The following ZNF595 variants were observed in gnomAD, a reference collection of about 807,000 sequenced individuals.
ZNF595 encodes the protein zinc finger protein 595.
In ZNF595, 9 loss-of-function variants were observed where a neutral mutation model predicts 19.4. That is an observed-to-expected ratio of 0.46 (90% confidence interval 0.28 to 0.81). The LOEUF (loss-of-function observed/expected upper bound fraction) is 0.81, where lower values mean the gene tolerates loss of function less well. Ranked by LOEUF, ZNF595 falls within the 30% of genes least tolerant of loss-of-function variation. The pLI is 0.11. For synonymous variants in ZNF595, 255 were observed against 255.9 expected, an observed-to-expected ratio of 1.00 and a Z score of 0.03; for missense variants, 729 against 736.0, an observed-to-expected ratio of 0.99 and a Z score of 0.11.
chr4:77,249 C>T (rs1263953421), intron 3 of ZNF595, among the ~76,000 whole-genome samples: 7 of 150,412 alleles, frequency 4.7e-5, no homozygotes, highest in African/African-American at 1.2e-4. Flanking sequence ...TTATATATTG[C>T]GTTCTTCAGC....
intron 3 of ZNF595, among the ~76,000 whole-genome samples, chr4:83,871 C>T (rs1051691094): frequency 2.7e-5 from 4 of 147,694 alleles, no homozygotes; most frequent in Non-Finnish European, 6.0e-5. Flanking sequence ...TAGATTTTTA[C>T]TTCTTATTTT....
At chr4:74,752 T>C (rs1285537756) in intron 3 of ZNF595, among the ~76,000 whole-genome samples, 5 of 152,204 alleles carry the variant, frequency 3.3e-5, no homozygotes, top group South Asian at 2.1e-4. Flanking sequence ...TTGCATTCTT[T>C]TGAGTTTCTG....
Position 86,082 on chromosome 4 carries a change from T to G in ZNF595, c.578T>G (p.Ile193Ser). 6.2e-7 allele frequency: 1 copy of G among 1,613,390 alleles called. No individual in the cohort carries two copies. Among genetic ancestry groups the G allele is most frequent in the Admixed American group, 1.7e-5 (1 of 59,874 alleles). ...YMSHLTQHTG[I>S]HAGEKPYKCE... ...TCACACCTAACTCAACATACAGGAA[T>G]TCATGCTGGAGAGAAACCCTACAAA... The change falls in exon 4 of 4, where the codon ATT (isoleucine) becomes AGT (serine). Residue 193 changes from isoleucine (I) to serine (S), a missense_variant. Around this residue, in one of 2 missense-constraint regions of ZNF595, gnomAD observed 729 missense variants for 675.3 expected, o/e 1.08. Transcript: ENST00000610261.
In ZNF595 at chr4:87,079, A is replaced by G. The variant is rs782785781; in HGVS notation, c.1575A>G (p.Ile525Met). The stretch of plus-strand genomic sequence containing the variant: ...TTAACCAATCCTCAGGCCTTATTAT[A>G]CACAGGAGCATTCATTCTGAACAAA... ...KAFNQSSGLI[I>M]HRSIHSEQKL... The change falls in exon 4 of 4, where the codon ATA becomes ATG. Residue 525 changes from isoleucine (I) to methionine (M), a missense_variant. By Grantham distance (10) the Ile-to-Met change is conservative (BLOSUM62 1). Around this residue, in one of 2 missense-constraint regions of ZNF595, gnomAD observed 729 missense variants for 675.3 expected, o/e 1.08. Transcript: ENST00000610261. 5.6e-6 allele frequency: 9 copies of G among 1,613,920 alleles called. No individual in the cohort carries two copies. The highest frequency in any genetic ancestry group is 5.0e-5 in the Admixed American group (3 of 60,000).
At chr4:72,155 T>C (rs1293843347) in intron 3 of ZNF595, among the ~76,000 whole-genome samples, 2 of 152,184 alleles carry the variant, frequency 1.3e-5, no homozygotes, top group East Asian at 3.8e-4. Context: ...TGCATTCTAT[T>C]TGTAGAGCTT....
At chr4:61,040 G>A (rs1445615446) in intron 3 of ZNF595, among the ~76,000 whole-genome samples, 1 of 152,180 alleles carries the variant, frequency 6.6e-6, no homozygotes, top group African/African-American at 2.4e-5. Context: ...AAATAGGTTT[G>A]TGAATAATTT....
chr4:82,396 TTTTTG>T (rs1713953771), intron 3 of ZNF595, among the ~76,000 whole-genome samples: 1 of 137,288 alleles, frequency 7.3e-6, no homozygotes, highest in African/African-American at 2.9e-5. Flanking sequence ...TTTTTTTTTT[TTTTTG>T]AGATGGAGTT....
chr4:85,684 A>G (rs1553800945), intron 3 of ZNF595, 47 bp from the exon 4 acceptor site: 1 of 1,508,880 alleles, frequency 6.6e-7, no homozygotes, highest in Non-Finnish European at 8.9e-7. Flanking sequence ...AAGTATATTC[A>G]TATGAATCTA....
intron 3 of ZNF595, among the ~76,000 whole-genome samples, chr4:83,039 C>T (rs1713980941): frequency 1.3e-5 from 2 of 151,888 alleles, no homozygotes; most frequent in South Asian, 2.1e-4. Context: ...ATATTTGGAA[C>T]CCTAATGTAA....
intron 1 of ZNF595, among the ~76,000 whole-genome samples, chr4:54,941 G>C (rs1276715594): frequency 6.6e-6 from 1 of 152,298 alleles, no homozygotes; most frequent in East Asian, 1.9e-4. Context: ...GAGTGCAGTG[G>C]CGTGATCTCG....
intron 3 of ZNF595, among the ~76,000 whole-genome samples, chr4:82,639 C>T (rs1293902319): frequency 1.3e-5 from 2 of 151,898 alleles, no homozygotes; most frequent in Non-Finnish European, 2.9e-5. Flanking sequence ...TTGCCTTGGC[C>T]TCCCAAAGTG....
intron 1 of ZNF595, among the ~76,000 whole-genome samples, chr4:57,934 G>T (rs1581315326): frequency 6.6e-6 from 1 of 152,296 alleles, no homozygotes; most frequent in Admixed American, 6.5e-5. Flanking sequence ...CACAAACTCT[G>T]GGAATCAAAT....
chr4:79,961 G>C (rs192455038), intron 3 of ZNF595, among the ~76,000 whole-genome samples: 3 of 152,160 alleles, frequency 2.0e-5, no homozygotes, highest in Admixed American at 1.3e-4. Context: ...TTTGCTGCTA[G>C]ACATCTTTAT....
At chr4:80,065 C>T (rs1025625349) in intron 3 of ZNF595, among the ~76,000 whole-genome samples, 14 of 152,242 alleles carry the variant, frequency 9.2e-5, no homozygotes, top group African/African-American at 3.4e-4. Flanking sequence ...TCTTGTTGCC[C>T]AGGCTGGAGT....
At chr4:55,054 T>C (rs1581309795) in intron 1 of ZNF595, among the ~76,000 whole-genome samples, 1 of 151,436 alleles carries the variant, frequency 6.6e-6, no homozygotes. Context: ...GCTAATTTTT[T>C]TTTTTTTGTA....
At chr4:78,589 C>T (rs1713771104) in intron 3 of ZNF595, among the ~76,000 whole-genome samples, 2 of 152,056 alleles carry the variant, frequency 1.3e-5, no homozygotes, top group East Asian at 1.9e-4. Context: ...GCCACCTATT[C>T]GATTATATGT....
intron 3 of ZNF595, among the ~76,000 whole-genome samples, chr4:68,931 T>C (rs1193262660): frequency 1.3e-5 from 2 of 152,198 alleles, no homozygotes; most frequent in African/African-American, 4.8e-5. Context: ...CTGATAACAA[T>C]CCTTCTGCTT....
At chr4:73,238 A>G (rs1409068727) in intron 3 of ZNF595, among the ~76,000 whole-genome samples, 1 of 151,352 alleles carries the variant, frequency 6.6e-6, no homozygotes, top group Non-Finnish European at 1.5e-5. Context: ...AGGAGCAAAC[A>G]AGATTAGAAA....
In ZNF595 at chr4:87,971, C is replaced by T. The variant is rs533982727; in HGVS notation, c.*520C>T. ...TCCTGAGCTCATGATCCACCCACCT[C>T]GGCCTCCCAAAGTGCTGGGATTACG... On this transcript the variant is annotated 3_prime_UTR_variant, in exon 4 of 4. Coordinates refer to ENST00000610261, the MANE Select transcript of ZNF595 (RefSeq NM_182524.4). The T allele has an allele frequency of 2.6e-5, 4 of 152,250 alleles. No individual in the cohort carries two copies. Among genetic ancestry groups the T allele is most frequent in the East Asian group, 3.9e-4 (2 of 5,186 alleles). 9.4% of individuals were successfully genotyped at this position (152,250 alleles called of 1,614,324 possible).
Sources: gnomAD v4.1 joint callset for allele counts (sites outside exome capture counted in the v4.1 genomes callset) on GRCh38, gnomAD v4.1.1 for gene constraint, gnomAD v4.1.1 regional missense constraint, MANE v1.5 for transcripts, NCBI Gene and HGNC (gene_info 2026-07-23, HGNC 2026-07-21) for gene names.